The following CCDC3 variants were observed in gnomAD, a reference collection of about 807,000 sequenced individuals.
The protein encoded by CCDC3 is coiled-coil domain-containing protein 3.
In CCDC3, 24 loss-of-function variants were observed where a neutral mutation model predicts 21.4. The observed-to-expected ratio is 1.12, with a 90% CI of 0.81 to 1.58. CCDC3 has a LOEUF of 1.58. Ranked by LOEUF, CCDC3 falls within the 40% of genes most tolerant of loss-of-function variation. The pLI, the probability that CCDC3 is intolerant of heterozygous loss-of-function variation, is 0.00. For missense variants in CCDC3, 425 were observed against 360.9 expected, an observed-to-expected ratio of 1.18 and a Z score of -1.44; for synonymous variants, 186 against 166.0, an observed-to-expected ratio of 1.12 and a Z score of -0.93.
At chr10:12,930,110 G>A (rs1434888085) in intron 2 of CCDC3, among the ~76,000 whole-genome samples, 5 of 152,196 alleles carry the variant, frequency 3.3e-5, no homozygotes, top group African/African-American at 1.2e-4. Flanking sequence ...CAGAGTTGAA[G>A]CAGAAGGTCC....
At chr10:12,926,654 A>C (rs1834544892) in intron 2 of CCDC3, among the ~76,000 whole-genome samples, 1 of 152,256 alleles carries the variant, frequency 6.6e-6, no homozygotes, top group African/African-American at 2.4e-5. Flanking sequence ...ATAAGTGTAC[A>C]GAGATTAAAG....
chr10:13,024,142 G>C (rs966061114), intron 5 of CCDC3, among the ~76,000 whole-genome samples: 1 of 152,046 alleles, frequency 6.6e-6, no homozygotes, highest in Non-Finnish European at 1.5e-5. Flanking sequence ...CAAAAGAAAT[G>C]AGTTTCTTTT....
At chr10:13,076,947 C>T (rs1836972130) in intron 3 of CCDC3, among the ~76,000 whole-genome samples, 2 of 152,150 alleles carry the variant, frequency 1.3e-5, no homozygotes. Context: ...TGAAAACTGG[C>T]ACAAGAGAGG....
chr10:13,057,865 T>A, intron 4 of CCDC3: 1 of 435,518 alleles, frequency 2.3e-6, no homozygotes, highest in Admixed American at 2.9e-5. Flanking sequence ...CAGATGACAG[T>A]GCGAGACTCT....
chr10:13,007,022 G>A (rs1211493482), intron 5 of CCDC3, among the ~76,000 whole-genome samples: 1 of 152,148 alleles, frequency 6.6e-6, no homozygotes, highest in African/African-American at 2.4e-5. Context: ...TTACGGTAGA[G>A]GTACTTACCT....
At chr10:12,929,217 G>A (rs527835990) in intron 2 of CCDC3, among the ~76,000 whole-genome samples, 5 of 144,602 alleles carry the variant, frequency 3.5e-5, no homozygotes, top group East Asian at 2.1e-4. Flanking sequence ...AGCCGAGATC[G>A]TGCCACTGCA....
At chr10:12,955,778 TG>T (rs897136730) in intron 2 of CCDC3, among the ~76,000 whole-genome samples, 8 of 152,178 alleles carry the variant, frequency 5.3e-5, no homozygotes, top group Non-Finnish European at 1.5e-5. Context: ...AGTCTCACTC[TG>T]TCACCCAGGC....
At chr10:12,996,700 A>C (rs1356979433) in intron 2 of CCDC3, among the ~76,000 whole-genome samples, 1 of 152,152 alleles carries the variant, frequency 6.6e-6, no homozygotes, top group Non-Finnish European at 1.5e-5. Context: ...AGCATGAAGA[A>C]GGCCTCCAGG....
intron 3 of CCDC3, among the ~76,000 whole-genome samples, chr10:13,078,752 T>C (rs537118638): frequency 5.3e-4 from 81 of 151,466 alleles, no homozygotes; most frequent in African/African-American, 1.9e-3. Context: ...GAGCAAACCA[T>C]CGCAAGGACA....
chr10:12,930,365 G>A (rs556471391), intron 2 of CCDC3, among the ~76,000 whole-genome samples: 4 of 152,286 alleles, frequency 2.6e-5, no homozygotes, highest in African/African-American at 9.6e-5. Flanking sequence ...TTGAGGGAAA[G>A]TGTCACCTAA....
chr10:12,915,783 C>A lies in CCDC3; in HGVS notation c.550-17104G>T, dbSNP rs191685294. On this transcript the variant is annotated intron_variant, in intron 2 of 2. Coordinates refer to ENST00000378825, the MANE Select transcript of CCDC3 (RefSeq NM_031455.4). ...GAAGCCAGCCTGAAGCCTAGGTTCA[C>A]AGAAACTGACAAGGTATTGTGGTGG... Among the ~76,000 whole-genome samples the A allele has an allele frequency of 3.9e-5, 6 of 152,280 alleles. 1 individual carries two copies. The East Asian group carries it at 1.2e-3, about 29-fold the overall frequency.
intron 3 of CCDC3, among the ~76,000 whole-genome samples, chr10:13,092,843 A>G (rs1832587759): frequency 6.6e-6 from 1 of 152,222 alleles, no homozygotes; most frequent in South Asian, 2.1e-4. Flanking sequence ...CAATGTGCCT[A>G]CAAATTTAAT....
chr10:13,037,986 C>G (rs2131416072), intron 5 of CCDC3, among the ~76,000 whole-genome samples: 1 of 152,158 alleles, frequency 6.6e-6, no homozygotes, highest in South Asian at 2.1e-4. Flanking sequence ...GCCAGGTCTC[C>G]AACAGATTTC....
At chr10:13,027,695 A>T (rs1031859906) in intron 5 of CCDC3, among the ~76,000 whole-genome samples, 2 of 145,588 alleles carry the variant, frequency 1.4e-5, no homozygotes, top group African/African-American at 5.0e-5. Flanking sequence ...TGGGTGATAG[A>T]GTGAGACTCC....
rs1364522190 is a variant in CCDC3 at position 12,953,384 on chromosome 10, C to T, written c.549+44954G>A. ...GGGGACACAGCCAAACCCTATCAGA[C>T]CCCCTCCCGCTCCACTAGCTCATGT... On this transcript the variant is annotated intron_variant, in intron 2 of 2. Coordinates refer to ENST00000378825, the MANE Select transcript of CCDC3 (RefSeq NM_031455.4). Among the ~76,000 whole-genome samples, 5 of 152,294 alleles carry T rather than the reference C, an allele frequency of 3.3e-5. No homozygotes were observed. In the South Asian group the frequency reaches 6.2e-4, roughly 19 times the overall value.
At chr10:13,084,080 A>G (rs960943113) in intron 3 of CCDC3, among the ~76,000 whole-genome samples, 6 of 152,222 alleles carry the variant, frequency 3.9e-5, no homozygotes, top group African/African-American at 1.4e-4. Flanking sequence ...TAAAGATAGT[A>G]ATATCGATTC....
intron 5 of CCDC3, among the ~76,000 whole-genome samples, chr10:13,024,128 G>T (rs1478460447): frequency 1.3e-5 from 2 of 152,042 alleles, no homozygotes; most frequent in African/African-American, 4.8e-5. Context: ...CAAGAGAAAT[G>T]ACCCAAAAGA....
intron 5 of CCDC3, among the ~76,000 whole-genome samples, chr10:13,025,437 G>A (rs1836202324): frequency 6.6e-6 from 1 of 152,204 alleles, no homozygotes; most frequent in Non-Finnish European, 1.5e-5. Context: ...GGGCTCATAA[G>A]GGAACAAGCA....
intron 4 of CCDC3, among the ~76,000 whole-genome samples, chr10:13,066,221 G>C (rs1836818545): frequency 6.6e-6 from 1 of 151,676 alleles, no homozygotes; most frequent in Non-Finnish European, 1.5e-5. Flanking sequence ...ACAATGGTAC[G>C]ATCTTGGCCC....
Sources: allele counts gnomAD v4.1 joint callset (sites outside exome capture counted in the v4.1 genomes callset), GRCh38; gene constraint gnomAD v4.1.1; transcripts MANE v1.5; gene names NCBI Gene and HGNC (gene_info 2026-07-23, HGNC 2026-07-21).